The following FGD4 variants were observed in gnomAD, a reference collection of about 807,000 sequenced individuals.
FGD4 encodes FYVE, RhoGEF and PH domain-containing protein 4.
A neutral mutation model predicts 102.0 loss-of-function variants in FGD4; 42 were observed. That is an observed-to-expected ratio of 0.41 (90% CI 0.32 to 0.53). FGD4 has a LOEUF of 0.53. Among genes scored for constraint, FGD4 ranks in the 20% least tolerant of loss-of-function variants. The probability of loss-of-function intolerance (pLI) is 0.21; values close to 1 mark genes in which losing one functional copy is unlikely to be tolerated. For synonymous variants in FGD4, 380 were observed against 375.7 expected, an observed-to-expected ratio of 1.01 and a Z score of -0.13; for missense variants, 902 against 1,078.2, an observed-to-expected ratio of 0.84 and a Z score of 2.29.
intron 1 of FGD4, among the ~76,000 whole-genome samples, chr12:32,533,477 G>C (rs1240742256): frequency 2.6e-5 from 4 of 152,204 alleles, no homozygotes; most frequent in Admixed American, 2.0e-4. Flanking sequence ...CGAGGCTGGA[G>C]TGCAGCGGCG....
chr12:32,638,259 G>A (rs1950964721), intron 15 of FGD4, among the ~76,000 whole-genome samples: 1 of 152,166 alleles, frequency 6.6e-6, no homozygotes, highest in African/African-American at 2.4e-5. Context: ...TCGAAGTTCA[G>A]ACTCTGGATT....
At chr12:32,440,204 CGTAGAT>C (rs890773863) in intron 1 of FGD4, among the ~76,000 whole-genome samples, 3 of 152,270 alleles carry the variant, frequency 2.0e-5, no homozygotes, top group Admixed American at 2.0e-4. Flanking sequence ...CGCTGATGCT[CGTAGAT>C]GTTCTTCAGT....
chr12:32,433,474 G>A (rs1232721768), intron 1 of FGD4, among the ~76,000 whole-genome samples: 3 of 151,618 alleles, frequency 2.0e-5, no homozygotes, highest in South Asian at 2.1e-4. Flanking sequence ...TCAGCCTCCC[G>A]AGTAGCTGGG....
chr12:32,406,560 A>T (rs895387210), intron 1 of FGD4, among the ~76,000 whole-genome samples: 6 of 151,742 alleles, frequency 4.0e-5, no homozygotes, highest in African/African-American at 1.5e-4. Flanking sequence ...TCTCAAAAAA[A>T]TTTAAAAAAA....
At position 32,552,986 on chromosome 12, in the gene FGD4, G is replaced by T. The variant is rs893558165; in HGVS notation, c.167-11151G>T. 1.0e-3 allele frequency among the ~76,000 whole-genome samples: 148 copies of T among 146,498 alleles called. 2 individuals carry two copies. Among genetic ancestry groups the T allele is most frequent in the Non-Finnish European group, 6.0e-4 (40 of 66,838 alleles). On this transcript the variant is annotated intron_variant, in intron 1 of 16. Transcript: ENST00000534526. ...TTTTTGTATTTTTAGTAGAGACAGG[G>T]TTTCTCCATGTTGGTCAGGCTGGTC...
At chr12:32,502,463 T>G (rs1041732952) in intron 1 of FGD4, 16 of 445,256 alleles carry the variant, frequency 3.6e-5, no homozygotes, top group African/African-American at 3.4e-4. Context: ...CATACACTTC[T>G]CTTGTATTGA....
Position 32,582,336 on chromosome 12 carries a change from A to C in FGD4, c.880A>C (p.Arg294=). The C allele has an allele frequency of 6.2e-7, 1 of 1,614,228 alleles. No individual in the cohort carries two copies. The highest frequency in any genetic ancestry group is 2.2e-5 in the East Asian group (1 of 44,892). ...CDGNASDSSY[R]TPGIGPVLPL... is the part of the protein sequence containing the mutation. Reference sequence around the variant, plus strand: ...TGGAAATGCTTCTGACAGTAGCTACAGGACTCCAGGCATAGGCCCAGTGCT... The same window carrying C: ...TGGAAATGCTTCTGACAGTAGCTACCGGACTCCAGGCATAGGCCCAGTGCT... The change falls in exon 4 of 17, where the codon AGG becomes CGG. Residue 294 remains arginine (R), a synonymous_variant. Coordinates refer to ENST00000534526, the MANE Select transcript of FGD4 (RefSeq NM_001370298.3).
chr12:32,401,726 C>CTTT (rs34078307), intron 1 of FGD4, among the ~76,000 whole-genome samples: 6,539 of 113,466 alleles, frequency 0.058, 351 homozygotes, highest in Middle Eastern at 0.093. Context: ...CTTTTCCATT[C>CTTT]TTTTTTTTTT....
At chr12:32,470,571 A>G (rs1229639503) in intron 1 of FGD4, among the ~76,000 whole-genome samples, 1 of 145,290 alleles carries the variant, frequency 6.9e-6, no homozygotes, top group African/African-American at 2.6e-5. Flanking sequence ...CTTCTGCTTC[A>G]GCCTCCCTAG....
chr12:32,449,926 T>C (rs1011585588), intron 1 of FGD4, among the ~76,000 whole-genome samples: 2 of 151,732 alleles, frequency 1.3e-5, no homozygotes, highest in Admixed American at 6.6e-5. Flanking sequence ...TTTATTTTTT[T>C]TTATTTTATT....
intron 1 of FGD4, among the ~76,000 whole-genome samples, chr12:32,425,658 C>T (rs1053054839): frequency 2.6e-5 from 4 of 152,104 alleles, no homozygotes; most frequent in Admixed American, 6.5e-5. Flanking sequence ...TAAATTACTT[C>T]GGGCAGTATG....
intron 1 of FGD4, among the ~76,000 whole-genome samples, chr12:32,501,523 T>TG (rs1182947829): frequency 6.6e-6 from 1 of 152,178 alleles, no homozygotes; most frequent in African/African-American, 2.4e-5. Context: ...ATCCTGTAAC[T>TG]GGGTAAGACT....
At chr12:32,415,712 G>A (rs757647564) in intron 1 of FGD4, among the ~76,000 whole-genome samples, 27 of 152,200 alleles carry the variant, frequency 1.8e-4, no homozygotes, top group South Asian at 1.5e-3. Context: ...GAGCCACCGC[G>A]CCCAGCCTCT....
At chr12:32,593,604 T>C (rs1298512620) in intron 4 of FGD4, among the ~76,000 whole-genome samples, 1 of 152,222 alleles carries the variant, frequency 6.6e-6, no homozygotes, top group East Asian at 1.9e-4. Flanking sequence ...GCAAAGATTA[T>C]TCTGATAAGC....
chr12:32,449,925 TTTTATTTTA>T (rs893207383), intron 1 of FGD4, among the ~76,000 whole-genome samples: 1 of 151,688 alleles, frequency 6.6e-6, no homozygotes, highest in African/African-American at 2.4e-5. Context: ...ATTTATTTTT[TTTTATTTTA>T]TTTATTTTAT....
intron 1 of FGD4, among the ~76,000 whole-genome samples, chr12:32,538,079 T>G (rs1360865164): frequency 6.6e-6 from 1 of 152,102 alleles, no homozygotes; most frequent in African/African-American, 2.4e-5. Flanking sequence ...ATATTTTTAG[T>G]AGAGACATGG....
chr12:32,465,319 G>GC (rs1455444620), intron 1 of FGD4, among the ~76,000 whole-genome samples: 2 of 151,368 alleles, frequency 1.3e-5, no homozygotes, highest in African/African-American at 4.9e-5. Flanking sequence ...AATTGCCATA[G>GC]CCCCCCCAGC....
Position 32,441,523 on chromosome 12 carries a change from C to T in FGD4, c.166+41564C>T, listed in dbSNP as rs536783864. Among the ~76,000 whole-genome samples, 3 of 151,926 alleles carry T rather than the reference C, an allele frequency of 2.0e-5. No homozygotes were observed. The East Asian group carries it at 5.9e-4, about 30-fold the overall frequency. Reference sequence around the variant, plus strand: ...GGTGCCCTTTCCTGCTATGGCTAAGCTGGTGTCCAAAATGCAAGATAACGT... The same window carrying T: ...GGTGCCCTTTCCTGCTATGGCTAAGTTGGTGTCCAAAATGCAAGATAACGT... On this transcript the variant is annotated intron_variant, in intron 1 of 16. Transcript: ENST00000534526.
chr12:32,539,242 T>C (rs1351547993), intron 1 of FGD4, among the ~76,000 whole-genome samples: 1 of 152,074 alleles, frequency 6.6e-6, no homozygotes, highest in African/African-American at 2.4e-5. Context: ...AATATTTCCT[T>C]AGTAGTTCCT....
Sources: gnomAD v4.1 joint callset for allele counts (sites outside exome capture counted in the v4.1 genomes callset) on GRCh38, gnomAD v4.1.1 for gene constraint, MANE v1.5 for transcripts, NCBI Gene and HGNC (gene_info 2026-07-23, HGNC 2026-07-21) for gene names.